ACSBG1: variants seen among roughly 807,000 people sequenced by gnomAD.
ACSBG1 encodes long-chain-fatty-acid--CoA ligase ACSBG1.
Under a neutral mutation model 80.2 loss-of-function variants are expected in ACSBG1, and 39 were observed. The ratio of observed to expected loss-of-function variants is 0.49; its 90% CI spans 0.38 to 0.64. The LOEUF is 0.64. ACSBG1 is among the 30% of genes least tolerant of loss of function. The pLI is 0.00. For synonymous variants in ACSBG1, 392 were observed against 379.5 expected (o/e 1.03, Z -0.38); for missense variants, 828 against 966.4 (o/e 0.86, Z 1.90).
chr15:78,226,138 T>C (rs1396751825), intron 1 of ACSBG1, among the ~76,000 whole-genome samples: 1 of 152,260 alleles, frequency 6.6e-6, no homozygotes, highest in Non-Finnish European at 1.5e-5. Flanking sequence ...TCACTTTTTG[T>C]AATTATACAC....
chr15:78,232,295 G>A (rs919210812), intron 1 of ACSBG1, among the ~76,000 whole-genome samples: 2 of 152,180 alleles, frequency 1.3e-5, no homozygotes, highest in Non-Finnish European at 2.9e-5. Flanking sequence ...CAGCAAGAAA[G>A]TAGTAGAACT....
Position 78,173,634 on chromosome 15 carries a change from G to A in ACSBG1, c.2048C>T (p.Ala683Val), listed in dbSNP as rs2074850430. ...AARPYHIQKW[A>V]ILERDFSISG... ...AATGGAGAAGTCTCTCTCGAGAATG[G>A]CCCACTTCTGGATGTGGTAGGGCCG... The change falls in exon 13 of 14, where the codon GCC becomes GTC. Residue 683 changes from alanine (A) to valine (V), a missense_variant. This residue lies in a region of ACSBG1 where 201 missense variants were observed against 227.0 expected (regional missense o/e 0.89). Coordinates refer to ENST00000258873, the MANE Select transcript of ACSBG1 (RefSeq NM_015162.5). 6.2e-7 allele frequency: 1 copy of A among 1,614,164 alleles called. No individual in the cohort carries two copies. The highest frequency in any genetic ancestry group is 1.7e-5 in the Admixed American group (1 of 60,022).
In ACSBG1 at chr15:78,179,682, C is replaced by G; in HGVS notation, c.1352G>C (p.Gly451Ala). 2.5e-6 allele frequency: 4 copies of G among 1,614,164 alleles called. No homozygotes were observed. The highest frequency in any genetic ancestry group is 3.4e-6 in the Non-Finnish European group (4 of 1,180,030). Residue 451 changes from glycine (G) to alanine (A), a missense_variant, in exon 10 of 14, where the codon GGA becomes GCA. Coordinates refer to ENST00000258873, the MANE Select transcript of ACSBG1 (RefSeq NM_015162.5). ...GFAKCQKNFY[G>A]AAPMMAETQH... is the part of the protein sequence containing the mutation. ...TGTCTCTGCCATCATGGGGGCCGCT[C>G]CATAGAAGTTCTTTTGACACTTGGC... is the stretch of plus-strand genomic sequence containing the variant.
chr15:78,202,796 C>T (rs1026885530), intron 2 of ACSBG1, among the ~76,000 whole-genome samples: 3 of 152,150 alleles, frequency 2.0e-5, no homozygotes, highest in African/African-American at 4.8e-5. Context: ...AGCAATCATA[C>T]TTTCTGGAAG....
intron 2 of ACSBG1, among the ~76,000 whole-genome samples, chr15:78,200,928 C>A (rs1471539826): frequency 1.3e-5 from 2 of 152,186 alleles, no homozygotes; most frequent in African/African-American, 4.8e-5. Context: ...CCTTTCCCAG[C>A]CTCAACATAC....
intron 1 of ACSBG1, among the ~76,000 whole-genome samples, chr15:78,233,833 G>C (rs1444414665): frequency 1.3e-5 from 2 of 152,208 alleles, no homozygotes; most frequent in African/African-American, 2.4e-5. Flanking sequence ...GTGAATGCCT[G>C]ATACGTTGAA....
In ACSBG1 at chr15:78,174,402, T is replaced by C. The variant is rs201965765; in HGVS notation, c.1825A>G (p.Met609Val). The change falls in exon 12 of 14, where the codon ATG (methionine) becomes GTG (valine). Residue 609 changes from methionine (M) to valine (V), a missense_variant. Coordinates refer to ENST00000258873, the MANE Select transcript of ACSBG1 (RefSeq NM_015162.5). ...LIGDQRKFLSMLLTLKCTLDP... is the reference protein window; with the variant it reads ...LIGDQRKFLSVLLTLKCTLDP... Reference sequence around the variant, plus strand: ...AGACACACCTTCAAGGTGAGCAGCATGGACAGGAACTTCCTCTGGTCCCCA... The same window carrying C: ...AGACACACCTTCAAGGTGAGCAGCACGGACAGGAACTTCCTCTGGTCCCCA... 17 of 1,614,178 alleles carry C rather than the reference T, an allele frequency of 1.1e-5. No homozygotes were observed. The East Asian group carries it at 2.7e-4, about 25-fold the overall frequency.
intron 1 of ACSBG1, among the ~76,000 whole-genome samples, chr15:78,215,780 AAGAAAGAGAAAGAAAGAG>A (rs2075307248): frequency 4.1e-5 from 6 of 147,938 alleles, no homozygotes; most frequent in African/African-American, 1.3e-4. Flanking sequence ...GAAAGAAAGA[AAGAAAGAGAAAGAAAGAG>A]AGAAAGGAAG....
intron 3 of ACSBG1, 143 bp from the exon 4 acceptor site, chr15:78,194,163 G>C (rs1266930096): frequency 6.3e-6 from 5 of 799,356 alleles, no homozygotes; most frequent in Non-Finnish European, 1.0e-5. Flanking sequence ...CCCCTTGGAG[G>C]AGAAGGGGTT....
chr15:78,187,168 T>G (rs2075012499), intron 5 of ACSBG1, among the ~76,000 whole-genome samples: 1 of 152,202 alleles, frequency 6.6e-6, no homozygotes, highest in Admixed American at 6.5e-5. Flanking sequence ...GCTCTGAAAT[T>G]GTGGCAATAA....
chr15:78,194,078 C>G, intron 3 of ACSBG1, 58 bp from the exon 4 acceptor site: 1 of 1,550,802 alleles, frequency 6.4e-7, no homozygotes, highest in Non-Finnish European at 8.9e-7. Context: ...ACCCTCATGC[C>G]CCTCTCAGAG....
intron 2 of ACSBG1, among the ~76,000 whole-genome samples, chr15:78,199,058 G>A (rs976440484): frequency 6.6e-6 from 1 of 151,838 alleles, no homozygotes; most frequent in African/African-American, 2.4e-5. Flanking sequence ...TTGTTTCTCT[G>A]CTTTTTATAG....
At chr15:78,229,102 C>A (rs1463690225) in intron 1 of ACSBG1, among the ~76,000 whole-genome samples, 1 of 150,332 alleles carries the variant, frequency 6.7e-6, no homozygotes, top group African/African-American at 2.4e-5. Flanking sequence ...ATTCATGGCA[C>A]CTGTCACAAT....
Position 78,168,950 on chromosome 15 carries a change from CA to C in ACSBG1, c.*2493del. 1 of 1,603,296 alleles carries C rather than the reference CA, an allele frequency of 6.2e-7. No individual in the cohort carries two copies. Among genetic ancestry groups the C allele is most frequent in the Non-Finnish European group, 8.5e-7 (1 of 1,171,248 alleles). On this transcript the variant is annotated 3_prime_UTR_variant, in exon 14 of 14. Transcript: ENST00000258873. ...TTGACAAAAGATTTGGGAGGCAATG[CA>C]AAATGCTCAGACTTCACAGAGGAAA...
At chr15:78,226,108 A>T (rs1326827770) in intron 1 of ACSBG1, among the ~76,000 whole-genome samples, 1 of 152,232 alleles carries the variant, frequency 6.6e-6, no homozygotes, top group African/African-American at 2.4e-5. Flanking sequence ...TTGTCGTCTA[A>T]TCTCTGAAGT....
Position 78,181,495 on chromosome 15 carries a change from T to C in ACSBG1, c.1071+474A>G, listed in dbSNP as rs918620186. Among the ~76,000 whole-genome samples, 11 of 141,922 alleles carry C rather than the reference T, an allele frequency of 7.8e-5. 1 individual carries two copies. The highest frequency in any genetic ancestry group is 6.3e-4 in the Admixed American group (9 of 14,294). 93.1% of individuals were successfully genotyped at this position (141,922 alleles called of 152,430 possible). A position where few individuals can be genotyped will look rare whatever the true frequency, so the allele number is the denominator to read the frequency against. ...ATGTAATGGCATCAGGTTTCTTTTT[T>C]TTTTTTTTTTTTTTTTTTGAGACTG... On this transcript the variant is annotated intron_variant, in intron 8 of 13. Coordinates refer to ENST00000258873, the MANE Select transcript of ACSBG1 (RefSeq NM_015162.5).
At chr15:78,215,438 C>T (rs1393693822) in intron 1 of ACSBG1, among the ~76,000 whole-genome samples, 3 of 152,058 alleles carry the variant, frequency 2.0e-5, no homozygotes, top group Non-Finnish European at 4.4e-5. Context: ...GGGTGGATCA[C>T]CTGAGGTCAA....
chr15:78,216,726 T>A (rs2075314974), intron 1 of ACSBG1, among the ~76,000 whole-genome samples: 1 of 152,102 alleles, frequency 6.6e-6, no homozygotes, highest in South Asian at 2.1e-4. Context: ...AAGGCTCATC[T>A]CAGCTCCACC....
intron 1 of ACSBG1, among the ~76,000 whole-genome samples, chr15:78,226,052 A>G (rs953605158): frequency 6.6e-6 from 1 of 152,232 alleles, no homozygotes; most frequent in Non-Finnish European, 1.5e-5. Flanking sequence ...AGTGTGAGCA[A>G]GAAAGAAAAT....
Sources: allele counts gnomAD v4.1 joint callset (sites outside exome capture counted in the v4.1 genomes callset), GRCh38; gene constraint gnomAD v4.1.1; regional missense constraint gnomAD v4.1.1; transcripts MANE v1.5; gene names NCBI Gene and HGNC (gene_info 2026-07-23, HGNC 2026-07-21).